The following MAST4 variants were observed in gnomAD, a reference collection of about 807,000 sequenced individuals.
The protein encoded by MAST4 is microtubule-associated serine/threonine-protein kinase 4.
Under a neutral mutation model 162.7 loss-of-function variants are expected in MAST4, and 89 were observed. The ratio of observed to expected loss-of-function variants is 0.55; its 90% confidence interval spans 0.46 to 0.65. The LOEUF is 0.65. Among genes scored for constraint, MAST4 ranks in the 30% least tolerant of loss-of-function variants. The probability of loss-of-function intolerance (pLI) is 0.00; values close to 1 mark genes in which losing one functional copy is unlikely to be tolerated. For missense variants in MAST4, 3,153 were observed against 3,374.0 expected (o/e 0.93, Z 1.62); for synonymous variants, 1,479 against 1,361.1 (o/e 1.09, Z -1.91).
chr5:66,921,832 C>G (rs1336649695), intron 4 of MAST4, among the ~76,000 whole-genome samples: 2 of 152,154 alleles, frequency 1.3e-5, no homozygotes, highest in African/African-American at 4.8e-5. Flanking sequence ...AGTTTGCATA[C>G]AAATGGCCAA....
chr5:66,725,119 A>G (rs1009346068), intron 1 of MAST4, among the ~76,000 whole-genome samples: 4 of 151,894 alleles, frequency 2.6e-5, no homozygotes, highest in African/African-American at 9.7e-5. Context: ...AATTTCTGCC[A>G]ATTTTGTTCA....
At chr5:66,781,466 C>T (rs548003836) in intron 2 of MAST4, among the ~76,000 whole-genome samples, 1 of 152,324 alleles carries the variant, frequency 6.6e-6, no homozygotes, top group Non-Finnish European at 1.5e-5. Context: ...CAATTCAGTG[C>T]CAGCTTGCCA....
intron 1 of MAST4, among the ~76,000 whole-genome samples, chr5:66,618,550 C>G (rs181318469): frequency 2.0e-5 from 3 of 152,282 alleles, no homozygotes; most frequent in Admixed American, 1.3e-4. Context: ...CCACCCCAGC[C>G]TAACCTGTTG....
intron 6 of MAST4, 89 bp downstream of exon 6, chr5:67,090,320 T>A: frequency 1.5e-6 from 1 of 672,144 alleles, no homozygotes; most frequent in Non-Finnish European, 2.3e-6. Context: ...CCTCCCCACT[T>A]CTTCCCGTCC....
intron 1 of MAST4, among the ~76,000 whole-genome samples, chr5:66,619,600 T>C (rs943370038): frequency 2.0e-5 from 3 of 152,108 alleles, no homozygotes; most frequent in Non-Finnish European, 4.4e-5. Context: ...ATAAACTAAT[T>C]TTCCCTCCAC....
At chr5:67,071,299 G>A (rs776894480) in intron 5 of MAST4, among the ~76,000 whole-genome samples, 19 of 152,238 alleles carry the variant, frequency 1.2e-4, no homozygotes, top group South Asian at 2.1e-4. Context: ...GGAATAAAAC[G>A]CATGCTGACC....
At chr5:66,719,044 G>A (rs993629076) in intron 1 of MAST4, among the ~76,000 whole-genome samples, 1 of 152,180 alleles carries the variant, frequency 6.6e-6, no homozygotes, top group Non-Finnish European at 1.5e-5. Context: ...GAGGAGAAGC[G>A]GCAGGTATTT....
At chr5:66,923,155 C>T (rs577547241) in intron 4 of MAST4, among the ~76,000 whole-genome samples, 11 of 152,334 alleles carry the variant, frequency 7.2e-5, no homozygotes, top group South Asian at 4.1e-4. Context: ...CACTTTGAAG[C>T]GGATTGCTCC....
intron 4 of MAST4, among the ~76,000 whole-genome samples, chr5:66,907,003 C>T (rs1320383709): frequency 6.6e-6 from 1 of 151,936 alleles, no homozygotes; most frequent in African/African-American, 2.4e-5. Flanking sequence ...TAGAGTTTGT[C>T]TTATAGTAGA....
intron 3 of MAST4, among the ~76,000 whole-genome samples, chr5:66,798,479 T>G (rs1381383557): frequency 6.6e-6 from 1 of 152,210 alleles, no homozygotes; most frequent in East Asian, 1.9e-4. Flanking sequence ...GATCCCAGAC[T>G]TCTGTTCCTC....
intron 3 of MAST4, among the ~76,000 whole-genome samples, chr5:66,858,616 T>C (rs1332833407): frequency 6.6e-6 from 1 of 152,214 alleles, no homozygotes; most frequent in African/African-American, 2.4e-5. Context: ...ACGTCTCTTA[T>C]TTTTGTTCTT....
At chr5:66,827,835 G>A (rs886238367) in intron 3 of MAST4, among the ~76,000 whole-genome samples, 1 of 152,160 alleles carries the variant, frequency 6.6e-6, no homozygotes, top group African/African-American at 2.4e-5. Flanking sequence ...CTTTAGAATA[G>A]ACACCAAGGA....
intron 5 of MAST4, among the ~76,000 whole-genome samples, chr5:67,056,329 A>G (rs1212516425): frequency 6.6e-6 from 1 of 152,174 alleles, no homozygotes; most frequent in Non-Finnish European, 1.5e-5. Context: ...ACAGTGCCAG[A>G]TACCTTACTT....
At chr5:66,670,754 A>AT (rs11383652) in intron 1 of MAST4, among the ~76,000 whole-genome samples, 20,650 of 146,090 alleles carry the variant, frequency 0.14, 1,424 homozygotes, top group Admixed American at 0.17. Context: ...AGTAAGCATG[A>AT]TTTTTTTTTT....
In MAST4 at chr5:67,164,184, C is replaced by T. The variant is rs762982894; in HGVS notation, c.5005C>T (p.Gln1669Ter). Residue 1669 changes from glutamine to a stop codon, truncating the protein, a stop_gained, in exon 29 of 29, where the codon CAG (glutamine) becomes TAG (stop). Transcript: ENST00000403625. LOFTEE classifies it low-confidence loss of function (END_TRUNC). The surrounding 1 kb of genome is among the most constrained non-coding windows in gnomAD (Gnocchi z 5.3). ...GKGEGTEKSS[Q>*]AKELLRCEKL... is the part of the protein sequence containing the mutation. ...GGGGGAAGGCACGGAGAAGTCCTCC[C>T]AGGCCAAGGAGCTTCTCCGATGTGA... is the stretch of plus-strand genomic sequence containing the variant. 1.2e-6 allele frequency: 2 copies of T among 1,611,786 alleles called. No individual in the cohort carries two copies. Among genetic ancestry groups the T allele is most frequent in the East Asian group, 2.2e-5 (1 of 44,792 alleles).
At chr5:66,670,945 G>A (rs1747571902) in intron 1 of MAST4, among the ~76,000 whole-genome samples, 1 of 152,032 alleles carries the variant, frequency 6.6e-6, no homozygotes, top group Non-Finnish European at 1.5e-5. Flanking sequence ...AAATCATTTT[G>A]TCACTTTACC....
chr5:67,096,143 C>T (rs1764446651), intron 7 of MAST4, among the ~76,000 whole-genome samples: 1 of 151,482 alleles, frequency 6.6e-6, no homozygotes, highest in African/African-American at 2.4e-5. Context: ...TCTGTGCCTT[C>T]TAGGTAAGAA....
At chr5:66,688,619 A>T (rs1748844003) in intron 1 of MAST4, among the ~76,000 whole-genome samples, 1 of 152,186 alleles carries the variant, frequency 6.6e-6, no homozygotes, top group African/African-American at 2.4e-5. Context: ...ACTCTCTTAG[A>T]TCATTGGTGA....
chr5:67,157,391 A>G (rs1011588429), intron 26 of MAST4, among the ~76,000 whole-genome samples: 1 of 152,242 alleles, frequency 6.6e-6, no homozygotes, highest in Non-Finnish European at 1.5e-5. Context: ...TTATAGGGGT[A>G]GGAGCATTTG....
Sources: allele counts gnomAD v4.1 joint callset (sites outside exome capture counted in the v4.1 genomes callset), GRCh38; gene constraint gnomAD v4.1.1; non-coding constraint Gnocchi (gnomAD v3.1); transcripts MANE v1.5; gene names NCBI Gene and HGNC (gene_info 2026-07-23, HGNC 2026-07-21).